ZNF714: variants seen among roughly 807,000 people sequenced by gnomAD.
ZNF714 encodes the protein zinc finger protein 714.
A neutral mutation model predicts 46.2 loss-of-function variants in ZNF714; 32 were observed. That is an observed-to-expected ratio of 0.69 (90% CI 0.52 to 0.93). The LOEUF is 0.93. Among genes scored for constraint, ZNF714 ranks in the 40% least tolerant of loss-of-function variants. ZNF714 has a pLI of 0.00. For missense variants in ZNF714, 635 were observed against 646.3 expected (o/e 0.98, Z 0.19); for synonymous variants, 199 against 213.1 (o/e 0.93, Z 0.58).
Position 21,117,325 on chromosome 19 carries a change from A to G in ZNF714, c.661A>G (p.Met221Val), listed in dbSNP as rs1969620621. 1 of 1,612,062 alleles carries G rather than the reference A, an allele frequency of 6.2e-7. No individual in the cohort carries two copies. Among genetic ancestry groups the G allele is most frequent in the Non-Finnish European group, 8.5e-7 (1 of 1,178,538 alleles). The change falls in exon 5 of 5, where the codon ATG becomes GTG. Residue 221 changes from methionine (M) to valine (V), a missense_variant. By Grantham distance (21) the Met-to-Val change is conservative. Transcript: ENST00000456283. ...KHSSTLTTHK[M>V]IHTGEKPYRC... ...CTCCTCAACCCTTACTACACATAAG[A>G]TGATTCATACTGGAGAGAAACCCTA...
intron 2 of ZNF714, among the ~76,000 whole-genome samples, chr19:21,089,947 C>T (rs1178781380): frequency 6.6e-6 from 1 of 152,162 alleles, no homozygotes; most frequent in African/African-American, 2.4e-5. Flanking sequence ...CCCTGGGTTG[C>T]CCTAGTGACG....
chr19:21,100,022 A>AT (rs1969137433), intron 4 of ZNF714, among the ~76,000 whole-genome samples: 1 of 151,808 alleles, frequency 6.6e-6, no homozygotes, highest in Non-Finnish European at 1.5e-5. Flanking sequence ...TGCCCGGCTA[A>AT]TTTTTGTATT....
chr19:21,084,702 A>T (rs567921655), intron 2 of ZNF714, among the ~76,000 whole-genome samples: 32 of 135,252 alleles, frequency 2.4e-4, no homozygotes, highest in African/African-American at 7.6e-4. Flanking sequence ...AAGGTAGGAA[A>T]TTTTTTTTTT....
chr19:21,115,450 AG>A (rs1969571810), intron 4 of ZNF714, among the ~76,000 whole-genome samples: 1 of 152,004 alleles, frequency 6.6e-6, no homozygotes, highest in Non-Finnish European at 1.5e-5. Context: ...TTTTATGTTT[AG>A]GGCATATGAA....
At chr19:21,089,888 A>C (rs10415673) in intron 2 of ZNF714, among the ~76,000 whole-genome samples, 91,298 of 133,122 alleles carry the variant, frequency 0.69, 36,707 homozygotes, top group Middle Eastern at 0.89. Flanking sequence ...GAATTCTGGT[A>C]AGAAATTTGT....
intron 2 of ZNF714, among the ~76,000 whole-genome samples, chr19:21,089,424 C>T (rs1968856585): frequency 2.0e-5 from 3 of 152,174 alleles, no homozygotes; most frequent in Admixed American, 1.3e-4. Flanking sequence ...AAAGTAACTT[C>T]ACAGGTGTTC....
chr19:21,083,301 G>T (rs1198933139), intron 1 of ZNF714, among the ~76,000 whole-genome samples: 1 of 152,210 alleles, frequency 6.6e-6, no homozygotes, highest in Non-Finnish European at 1.5e-5. Flanking sequence ...TCCCCAAAGT[G>T]CTGGGATTAC....
At chr19:21,084,773 G>A (rs1403495317) in intron 2 of ZNF714, among the ~76,000 whole-genome samples, 5 of 145,498 alleles carry the variant, frequency 3.4e-5, no homozygotes, top group African/African-American at 1.3e-4. Flanking sequence ...GTATGATCTC[G>A]GCTCACTGCA....
At chr19:21,108,086 G>A (rs187856424) in intron 4 of ZNF714, among the ~76,000 whole-genome samples, 4 of 152,070 alleles carry the variant, frequency 2.6e-5, no homozygotes, top group Admixed American at 6.6e-5. Context: ...ACCATGCCTC[G>A]CTAATTTTTT....
intron 2 of ZNF714, among the ~76,000 whole-genome samples, chr19:21,087,150 C>T (rs1968799702): frequency 1.5e-5 from 2 of 134,400 alleles, no homozygotes; most frequent in Non-Finnish European, 1.5e-5. Context: ...CTTAAGTTAA[C>T]TATAAATCAT....
intron 2 of ZNF714, among the ~76,000 whole-genome samples, chr19:21,095,036 A>G (rs1969003670): frequency 6.6e-6 from 1 of 152,076 alleles, no homozygotes; most frequent in African/African-American, 2.4e-5. Flanking sequence ...CTTCTTTATG[A>G]ATTCTGGGTA....
intron 2 of ZNF714, among the ~76,000 whole-genome samples, chr19:21,087,781 T>A (rs1351633331): frequency 4.6e-5 from 7 of 152,216 alleles, no homozygotes; most frequent in Non-Finnish European, 8.8e-5. Context: ...TTATTCTAAT[T>A]TAAAACAATC....
At chr19:21,106,541 C>T (rs1009738678) in intron 4 of ZNF714, among the ~76,000 whole-genome samples, 9 of 148,780 alleles carry the variant, frequency 6.0e-5, no homozygotes, top group African/African-American at 2.2e-4. Flanking sequence ...TGCACTCCAG[C>T]CTGGGTGACA....
intron 2 of ZNF714, among the ~76,000 whole-genome samples, chr19:21,096,819 G>A (rs1264811028): frequency 1.3e-5 from 2 of 151,988 alleles, no homozygotes; most frequent in Admixed American, 6.6e-5. Flanking sequence ...ATGCAGAACA[G>A]GATTAAGAAT....
rs182499390 is a variant in ZNF714 at position 21,100,495 on chromosome 19, G to A, written c.142+1585G>A. On this transcript the variant is annotated intron_variant, in intron 4 of 4. Transcript: ENST00000456283. ...TGTGGTGAGCCAAGATGGCACCATT[G>A]CACTCCAGCCTGGGCAGCATGAGCA... Among the ~76,000 whole-genome samples the A allele has an allele frequency of 4.0e-3, 607 of 152,066 alleles. 1 individual carries two copies. Among genetic ancestry groups the A allele is most frequent in the Non-Finnish European group, 5.3e-3 (361 of 67,980 alleles).
At position 21,082,366 on chromosome 19, in the gene ZNF714, G is replaced by T. The variant is rs1338607182; in HGVS notation, c.-177+18G>T. 2.7e-6 allele frequency: 4 copies of T among 1,454,896 alleles called. No homozygotes were observed. The African/African-American group carries it at 4.2e-5, about 15-fold the overall frequency. The allele number at this position is 1,454,896 out of a possible 1,614,324, so 90.1% of individuals were successfully genotyped here. A position where few individuals can be genotyped will look rare whatever the true frequency, so the allele number is the denominator to read the frequency against. ...TAGAAATGGTGAGAGTGCCGGGTCC[G>T]ACATCCCGAGAGAGGGGAAGGGGCG... On this transcript the variant is annotated intron_variant, in intron 1 of 4. Transcript: ENST00000456283.
At chr19:21,092,269 G>C (rs1408983479) in intron 2 of ZNF714, among the ~76,000 whole-genome samples, 2 of 152,128 alleles carry the variant, frequency 1.3e-5, no homozygotes, top group African/African-American at 4.8e-5. Context: ...ACTAGACATT[G>C]ACATGTGCAC....
In ZNF714 at chr19:21,123,702, G is replaced by A. The variant is rs1240267598; in HGVS notation, c.*5370G>A. ...TAATTACAGCACAATTTACATTTCCGTGCAGAATCTTTTAAGTGTGGTGGT... is the reference window on the plus strand; with the variant it reads ...TAATTACAGCACAATTTACATTTCCATGCAGAATCTTTTAAGTGTGGTGGT... On this transcript the variant is annotated 3_prime_UTR_variant, in exon 5 of 5. Coordinates refer to ENST00000456283, the MANE Select transcript of ZNF714 (RefSeq NM_182515.4). 6.6e-6 allele frequency: 1 copy of A among 152,104 alleles called. No individual in the cohort carries two copies. The allele number at this position is 152,104 out of a possible 1,614,324, so 9.4% of individuals were successfully genotyped here.
At chr19:21,105,642 A>T (rs1969292701) in intron 4 of ZNF714, among the ~76,000 whole-genome samples, 1 of 151,100 alleles carries the variant, frequency 6.6e-6, no homozygotes, top group Admixed American at 6.6e-5. Context: ...TTTTCTTTTT[A>T]TGTCTAAGCA....
Sources: allele counts gnomAD v4.1 joint callset (sites outside exome capture counted in the v4.1 genomes callset), GRCh38; gene constraint gnomAD v4.1.1; transcripts MANE v1.5; gene names NCBI Gene and HGNC (gene_info 2026-07-23, HGNC 2026-07-21).